WDR70: variants seen among roughly 807,000 people sequenced by gnomAD.
The protein encoded by WDR70 is WD repeat-containing protein 70.
In WDR70, 53 loss-of-function variants were observed where a neutral mutation model predicts 88.6. The observed-to-expected ratio is 0.60, with a 90% CI of 0.48 to 0.75. The LOEUF (loss-of-function observed/expected upper bound fraction) is 0.75. Ranked by LOEUF, WDR70 falls within the 30% of genes least tolerant of loss-of-function variation. WDR70 has a pLI of 0.00. For missense variants in WDR70, 610 were observed against 823.2 expected (o/e 0.74, Z 3.17); for synonymous variants, 280 against 270.0 (o/e 1.04, Z -0.36).
intron 9 of WDR70, among the ~76,000 whole-genome samples, chr5:37,545,438 T>A (rs188962340): frequency 8.7e-4 from 133 of 152,256 alleles, no homozygotes; most frequent in African/African-American, 2.7e-3. Context: ...TTGATTTTTT[T>A]AATTTAAGTT....
At chr5:37,475,175 C>T (rs1042639455) in intron 7 of WDR70, among the ~76,000 whole-genome samples, 1 of 150,912 alleles carries the variant, frequency 6.6e-6, no homozygotes, top group Non-Finnish European at 1.5e-5. Context: ...CTGCCTTGGC[C>T]TCCCAAAATG....
At chr5:37,749,774 G>C (rs1422161187) in intron 17 of WDR70, among the ~76,000 whole-genome samples, 1 of 150,336 alleles carries the variant, frequency 6.7e-6, no homozygotes, top group Admixed American at 6.7e-5. Context: ...AATGACAGTT[G>C]AAGTGACCCT....
chr5:37,525,536 G>A (rs959643018), intron 9 of WDR70, among the ~76,000 whole-genome samples: 7 of 152,066 alleles, frequency 4.6e-5, no homozygotes, highest in Non-Finnish European at 8.8e-5. Context: ...AGGAAATATC[G>A]TAAAATTGAC....
intron 13 of WDR70, among the ~76,000 whole-genome samples, chr5:37,713,224 T>C (rs2112681430): frequency 1.3e-5 from 2 of 152,316 alleles, no homozygotes; most frequent in South Asian, 4.1e-4. Context: ...CGTGCTGCCT[T>C]AGACTTCGCG....
chr5:37,545,541 G>GT (rs113470000), intron 9 of WDR70, among the ~76,000 whole-genome samples: 7,232 of 145,030 alleles, frequency 0.05, 554 homozygotes, highest in African/African-American at 0.16. Flanking sequence ...TTTTGTTTTT[G>GT]TTTTTTTTTT....
intron 10 of WDR70, among the ~76,000 whole-genome samples, chr5:37,658,755 A>C (rs1745623356): frequency 6.6e-6 from 1 of 152,192 alleles, no homozygotes; most frequent in African/African-American, 2.4e-5. Context: ...AATAATACAG[A>C]AACCCCAAAA....
intron 10 of WDR70, among the ~76,000 whole-genome samples, chr5:37,641,313 C>T (rs775293726): frequency 2.4e-4 from 37 of 151,366 alleles, no homozygotes; most frequent in Non-Finnish European, 8.8e-5. Context: ...GCCATGTTGG[C>T]GAGGCTGGTC....
intron 7 of WDR70, among the ~76,000 whole-genome samples, chr5:37,446,982 C>CT (rs1256671672): frequency 6.6e-6 from 1 of 152,166 alleles, no homozygotes; most frequent in East Asian, 1.9e-4. Context: ...GCAAAAGAAA[C>CT]TATCATCAGA....
intron 5 of WDR70, among the ~76,000 whole-genome samples, chr5:37,429,824 C>G (rs1161662205): frequency 1.3e-5 from 2 of 152,140 alleles, no homozygotes; most frequent in African/African-American, 4.8e-5. Context: ...GATTTGGTTA[C>G]TCTGAGTCTT....
chr5:37,716,175 C>T (rs1471514116), intron 13 of WDR70, among the ~76,000 whole-genome samples: 1 of 152,144 alleles, frequency 6.6e-6, no homozygotes, highest in Non-Finnish European at 1.5e-5. Context: ...TATGGGTCAG[C>T]AGCTGTGGAG....
intron 16 of WDR70, among the ~76,000 whole-genome samples, chr5:37,726,485 G>C (rs1229597166): frequency 1.3e-5 from 2 of 152,148 alleles, no homozygotes; most frequent in African/African-American, 4.8e-5. Flanking sequence ...CAAAGTACCT[G>C]TAAGGGACTT....
At chr5:37,621,166 A>C (rs1249860959) in intron 10 of WDR70, among the ~76,000 whole-genome samples, 1 of 152,152 alleles carries the variant, frequency 6.6e-6, no homozygotes, top group Non-Finnish European at 1.5e-5. Flanking sequence ...ATACCAATCC[A>C]GTCCAATTTC....
chr5:37,520,024 GTTATA>G (rs546644765), intron 9 of WDR70, among the ~76,000 whole-genome samples: 269 of 152,052 alleles, frequency 1.8e-3, no homozygotes, highest in African/African-American at 5.9e-3. Flanking sequence ...TCCCTCTATT[GTTATA>G]TTATATGATT....
At chr5:37,697,551 G>A in intron 10 of WDR70, 104 bp from the exon 11 acceptor site, 1 of 857,430 alleles carries the variant, frequency 1.2e-6, no homozygotes, top group Non-Finnish European at 1.9e-6. Flanking sequence ...TTGCTTATAG[G>A]TGTGTATTAT....
chr5:37,701,137 C>T lies in WDR70; in HGVS notation c.1272C>T (p.Phe424=). Residue 424 remains phenylalanine (F), a synonymous_variant, in exon 12 of 18, where the codon TTC becomes TTT. Transcript: ENST00000265107. The part of the protein sequence containing the change: ...LFSASGLPTM[F]PMTDCCFSPD... ...CAGCCTCGGGTCTTCCCACCATGTT[C>T]CCAATGTAAGTAGCATATTTTAAAT... 1 of 1,591,272 alleles carries T rather than the reference C, an allele frequency of 6.3e-7. No individual in the cohort carries two copies. Among genetic ancestry groups the T allele is most frequent in the Middle Eastern group, 1.7e-4 (1 of 6,026 alleles).
chr5:37,688,319 G>T (rs773812947), intron 10 of WDR70, among the ~76,000 whole-genome samples: 2 of 152,110 alleles, frequency 1.3e-5, no homozygotes, highest in African/African-American at 2.4e-5. Context: ...ACTGAATCTA[G>T]ATTTTGTGCC....
chr5:37,433,549 T>C (rs1750378334), intron 5 of WDR70, among the ~76,000 whole-genome samples: 1 of 152,330 alleles, frequency 6.6e-6, no homozygotes, highest in African/African-American at 2.4e-5. Context: ...GTCCCTTATA[T>C]AAAAATGGCA....
intron 5 of WDR70, among the ~76,000 whole-genome samples, chr5:37,402,162 A>C (rs1372033994): frequency 6.6e-6 from 1 of 151,868 alleles, no homozygotes; most frequent in Admixed American, 6.6e-5. Flanking sequence ...ATTTAGCTTC[A>C]TCTGAATGAG....
intron 10 of WDR70, among the ~76,000 whole-genome samples, chr5:37,613,182 T>C (rs1744233478): frequency 6.6e-6 from 1 of 152,204 alleles, no homozygotes; most frequent in Admixed American, 6.5e-5. Flanking sequence ...AAAATATGGA[T>C]GATTATTATC....
Sources: allele counts gnomAD v4.1 joint callset (sites outside exome capture counted in the v4.1 genomes callset), GRCh38; gene constraint gnomAD v4.1.1; transcripts MANE v1.5; gene names NCBI Gene and HGNC (gene_info 2026-07-23, HGNC 2026-07-21).